Variants in MAST3 observed in about 807,000 individuals in gnomAD.
MAST3 encodes the protein microtubule-associated serine/threonine-protein kinase 3.
In MAST3, 43 loss-of-function variants were observed where a neutral mutation model predicts 127.0. The ratio of observed to expected loss-of-function variants is 0.34; its 90% confidence interval spans 0.27 to 0.44. MAST3 has a LOEUF of 0.44. MAST3 is among the 20% of genes least tolerant of loss of function. The probability of loss-of-function intolerance (pLI) is 1.00; values close to 1 mark genes in which losing one functional copy is unlikely to be tolerated. For missense variants in MAST3, 1,390 were observed against 1,919.1 expected, an observed-to-expected ratio of 0.72 and a Z score of 5.15; for synonymous variants, 785 against 809.2, an observed-to-expected ratio of 0.97 and a Z score of 0.51.
Position 18,144,386 on chromosome 19 carries a change from A to G in MAST3, c.2585-80A>G. ...AGGCTGGACTGTGTAAATAGTGACC[A>G]GGGAGGAAGGGCCTTAAGGTCCCTT... On this transcript the variant is annotated intron_variant, in intron 22 of 27. Coordinates refer to ENST00000687212, the MANE Select transcript of MAST3 (RefSeq NM_001393504.1). This position sits in a 1 kb window ranked among gnomAD's most constrained non-coding sequence, Gnocchi z 4.0. 8.2e-7 allele frequency: 1 copy of G among 1,212,986 alleles called. No individual in the cohort carries two copies. Among genetic ancestry groups the G allele is most frequent in the Non-Finnish European group, 1.2e-6 (1 of 852,740 alleles). The allele number at this position is 1,212,986 out of a possible 1,614,324, so 75.1% of individuals were successfully genotyped here.
At chr19:18,124,235 G>C (rs1400271234) in intron 9 of MAST3, 30 bp from the exon 10 acceptor site, 7 of 1,593,048 alleles carry the variant, frequency 4.4e-6, no homozygotes, top group Non-Finnish European at 6.0e-6. Flanking sequence ...CTGAGGACCT[G>C]TGGGTGATGC....
intron 13 of MAST3, among the ~76,000 whole-genome samples, chr19:18,130,207 C>T (rs1386176449): frequency 1.3e-5 from 2 of 152,048 alleles, no homozygotes; most frequent in African/African-American, 4.8e-5. Flanking sequence ...CAGAGTGAGG[C>T]GCTATCTCAA....
At chr19:18,132,131 A>AGG in intron 15 of MAST3, 84 bp downstream of exon 15, 3 of 1,563,328 alleles carry the variant, frequency 1.9e-6, no homozygotes, top group Non-Finnish European at 2.6e-6. Flanking sequence ...ATCAGGGCAG[A>AGG]GCCTCTGAGG....
rs760000954 is a variant in MAST3 at position 18,145,275 on chromosome 19, T to C, written c.3039+46T>C. 2 of 1,569,990 alleles carry C rather than the reference T, an allele frequency of 1.3e-6. No homozygotes were observed. The highest frequency in any genetic ancestry group is 1.8e-6 in the Non-Finnish European group (2 of 1,141,216). ...GCAGGGACCCGGGTTCTAGTTTGACTCTGCCCGGTCATGTCCCTTCTCAGA... is the reference window on the plus strand; with the variant it reads ...GCAGGGACCCGGGTTCTAGTTTGACCCTGCCCGGTCATGTCCCTTCTCAGA... On this transcript the variant is annotated intron_variant, in intron 24 of 27. Coordinates refer to ENST00000687212, the MANE Select transcript of MAST3 (RefSeq NM_001393504.1). This position sits in a 1 kb window ranked among gnomAD's most constrained non-coding sequence, Gnocchi z 5.9.
chr19:18,098,387 C>G (rs2037197691), intron 1 of MAST3, among the ~76,000 whole-genome samples: 1 of 152,152 alleles, frequency 6.6e-6, no homozygotes, highest in Admixed American at 6.6e-5. Flanking sequence ...GCGCCCTCAA[C>G]CAGCTCTCTT....
rs377070662 is a variant in MAST3, at chr19:18,132,062, C to T, written c.1571+15C>T. 5.0e-5 allele frequency: 81 copies of T among 1,613,642 alleles called. No homozygotes were observed. Among genetic ancestry groups the T allele is most frequent in the Non-Finnish European group, 1.9e-5 (23 of 1,179,796 alleles). On this transcript the variant is annotated intron_variant, in intron 15 of 27. Coordinates refer to ENST00000687212, the MANE Select transcript of MAST3 (RefSeq NM_001393504.1). ...AAACCAGACAAGTGAGCTGAGCTAG[C>T]ATGAGCGGGGCCTCGCGGAGGGCGG...
rs114206157 is a variant in MAST3 at position 18,128,485 on chromosome 19, C to T, written c.1137+27C>T. The T allele has an allele frequency of 2.0e-3, 3,098 of 1,549,740 alleles. 53 individuals are homozygous for T. The African/African-American group carries it at 0.036, about 18-fold the overall frequency. On this transcript the variant is annotated intron_variant, in intron 12 of 27. Transcript: ENST00000687212. ...TGAGTAGCAGAGGCTGGGGGACCCC[C>T]GCTCATCTTGTTCTTTCCAGAGTGG...
intron 18 of MAST3, among the ~76,000 whole-genome samples, chr19:18,136,254 GA>G (rs150739304): frequency 6.6e-6 from 1 of 152,320 alleles, no homozygotes; most frequent in East Asian, 1.9e-4. Flanking sequence ...TGCTATGGGA[GA>G]CGGTTGGGTC....
chr19:18,107,428 G>A (rs917242501), intron 1 of MAST3, among the ~76,000 whole-genome samples, 159 bp from the exon 2 acceptor site: 1 of 152,162 alleles, frequency 6.6e-6, no homozygotes, highest in Non-Finnish European at 1.5e-5. Flanking sequence ...CGCACAGATA[G>A]CGCAAAGGCC....
chr19:18,101,359 CCTT>C (rs147071513), intron 1 of MAST3, among the ~76,000 whole-genome samples: 22 of 139,490 alleles, frequency 1.6e-4, no homozygotes, highest in African/African-American at 3.1e-4. Context: ...TCCTCCTCCT[CCTT>C]CTCCTTCTCC....
At chr19:18,128,802 G>A (rs191162872) in intron 12 of MAST3, 64 bp from the exon 13 acceptor site, 6 of 1,338,254 alleles carry the variant, frequency 4.5e-6, no homozygotes, top group Middle Eastern at 1.8e-4. Context: ...TTTGGGCTTG[G>A]GGGCAGGAGA....
At chr19:18,121,583 C>T (rs2039984181) in intron 3 of MAST3, 102 bp from the exon 4 acceptor site, 1 of 1,015,506 alleles carries the variant, frequency 9.8e-7, no homozygotes. Flanking sequence ...TCCAACATCC[C>T]ATCCTTCTCC....
intron 11 of MAST3, among the ~76,000 whole-genome samples, 164 bp downstream of exon 11, chr19:18,124,938 C>CCCT (rs1555798781): frequency 7.4e-6 from 1 of 135,982 alleles, no homozygotes; most frequent in Non-Finnish European, 1.6e-5. Context: ...GAAACCCCCC[C>CCCT]CCTACTAAAA....
At chr19:18,147,882 A>G (rs1566027) in intron 27 of MAST3, among the ~76,000 whole-genome samples, 140,674 of 152,220 alleles carry the variant, frequency 0.92, 65,020 homozygotes, top group Non-Finnish European at 0.95. Context: ...GAGGCCAGGC[A>G]CGGAGGCTCA....
intron 19 of MAST3, 140 bp downstream of exon 19, chr19:18,137,501 T>C: frequency 1.0e-6 from 1 of 991,828 alleles, no homozygotes; most frequent in Non-Finnish European, 1.5e-6. Flanking sequence ...TTCCTGAGCC[T>C]TCCAAGAATC....
Position 18,149,767 on chromosome 19 carries a change from T to C in MAST3, c.*41T>C, listed in dbSNP as rs780941831. On this transcript the variant is annotated 3_prime_UTR_variant, in exon 28 of 28. Coordinates refer to ENST00000687212, the MANE Select transcript of MAST3 (RefSeq NM_001393504.1). This position sits in a 1 kb window ranked among gnomAD's most constrained non-coding sequence, Gnocchi z 5.9. ...CTCCCTGGCATCAAAGTTACGCGTT[T>C]TCTTGTGCAATGTTTTTTCCGTAAA... The C allele has an allele frequency of 3.1e-6, 5 of 1,604,904 alleles. No homozygotes were observed. The Admixed American group carries it at 6.8e-5, about 22-fold the overall frequency.
Position 18,132,999 on chromosome 19 carries a change from A to G in MAST3, c.1571+952A>G, listed in dbSNP as rs555704369. 8.6e-5 allele frequency among the ~76,000 whole-genome samples: 13 copies of G among 151,886 alleles called. No homozygotes were observed. In the South Asian group the frequency reaches 2.7e-3, roughly 32 times the overall value. On this transcript the variant is annotated intron_variant, in intron 15 of 27. Transcript: ENST00000687212. The stretch of plus-strand genomic sequence containing the variant: ...GCACTTGTAGTCCCAGCTACTCAGG[A>G]GGCTGAGGCAGGAGAATCTCTTGAA...
intron 26 of MAST3, 99 bp downstream of exon 26, chr19:18,147,143 G>A (rs1482336708): frequency 3.2e-5 from 37 of 1,140,314 alleles, no homozygotes; most frequent in Admixed American, 3.9e-5. Flanking sequence ...TTGCTCTGTT[G>A]CCCAGGCTGG....
Position 18,144,944 on chromosome 19 carries a change from A to T in MAST3, c.2813-59A>T. On this transcript the variant is annotated intron_variant, in intron 23 of 27. Transcript: ENST00000687212. This position sits in a 1 kb window ranked among gnomAD's most constrained non-coding sequence, Gnocchi z 4.0. ...CAGGGTGGTCGTTGTGGTGGGAAAG[A>T]GGGGGCCCCAGGGGAGACCTGTGAG... 1 of 986,410 alleles carries T rather than the reference A, an allele frequency of 1.0e-6. No individual in the cohort carries two copies. Among genetic ancestry groups the T allele is most frequent in the Non-Finnish European group, 1.6e-6 (1 of 638,334 alleles). The allele number at this position is 986,410 out of a possible 1,614,324, so 61.1% of individuals were successfully genotyped here.
Sources: allele counts gnomAD v4.1 joint callset (sites outside exome capture counted in the v4.1 genomes callset), GRCh38; gene constraint gnomAD v4.1.1; non-coding constraint Gnocchi (gnomAD v3.1); transcripts MANE v1.5; gene names NCBI Gene and HGNC (gene_info 2026-07-23, HGNC 2026-07-21).